The following F3 variants were observed in gnomAD, a reference collection of about 807,000 sequenced individuals.
F3 encodes the protein tissue factor.
F3 carries 18 observed loss-of-function variants against 33.5 expected under a neutral mutation model. The observed-to-expected ratio is 0.54, with a 90% confidence interval of 0.37 to 0.80. The LOEUF (loss-of-function observed/expected upper bound fraction) is 0.80. Among genes scored for constraint, F3 ranks in the 30% least tolerant of loss-of-function variants. F3 has a pLI of 0.00. For synonymous variants in F3, 147 were observed against 140.7 expected (o/e 1.05, Z -0.32); for missense variants, 353 against 362.1 (o/e 0.97, Z 0.20).
intron 1 of F3, 135 bp downstream of exon 1, chr1:94,541,402 C>T (rs888213030): frequency 3.0e-6 from 2 of 665,806 alleles, no homozygotes; most frequent in Non-Finnish European, 4.5e-6. Flanking sequence ...GCTGGGTGAG[C>T]GCAGCCGAGT....
intron 2 of F3, 72 bp from the exon 3 acceptor site, chr1:94,536,236 C>T (rs1651602380): frequency 2.9e-6 from 4 of 1,366,364 alleles, no homozygotes. Context: ...AGACTGCTTC[C>T]TGGCTGTGGT....
intron 4 of F3, 104 bp from the exon 5 acceptor site, chr1:94,532,584 C>CAAG (rs771586805): frequency 9.7e-6 from 12 of 1,242,664 alleles, no homozygotes; most frequent in Non-Finnish European, 1.4e-5. Context: ...GCAAAGCCTA[C>CAAG]AAGAACACAG....
intron 5 of F3, 34 bp from the exon 6 acceptor site, chr1:94,530,630 A>G: frequency 6.2e-7 from 1 of 1,613,068 alleles, no homozygotes; most frequent in Non-Finnish European, 8.5e-7. Flanking sequence ...CAACTTGGAG[A>G]GCTCAAATCC....
chr1:94,537,974 C>T (rs1651662563), intron 2 of F3, among the ~76,000 whole-genome samples: 2 of 152,118 alleles, frequency 1.3e-5, no homozygotes, highest in South Asian at 4.1e-4. Flanking sequence ...TATTTGGTTC[C>T]TCCCAGCTCA....
rs903235950 is a variant in F3 at position 94,533,229 on chromosome 1, A to G, written c.452T>C (p.Val151Ala). The stretch of plus-strand genomic sequence containing the variant: ...TACGGTCACATTCACTTTTGTTCCC[A>G]CCTGTTCAAAACTCTGAATTGTTGG... Reference protein sequence around the residue: ...GQPTIQSFEQVGTKVNVTVED... With the variant: ...GQPTIQSFEQAGTKVNVTVED... Residue 151 changes from valine to alanine, a missense_variant, in exon 4 of 6, where the codon GTG becomes GCG. Transcript: ENST00000334047. 15 of 1,613,422 alleles carry G rather than the reference A, an allele frequency of 9.3e-6. No individual in the cohort carries two copies. Among genetic ancestry groups the G allele is most frequent in the Non-Finnish European group, 1.2e-5 (14 of 1,179,902 alleles).
intron 2 of F3, among the ~76,000 whole-genome samples, chr1:94,539,742 C>T (rs777835972): frequency 1.1e-4 from 16 of 152,180 alleles, no homozygotes; most frequent in Admixed American, 3.9e-4. Context: ...CTCAGTGAGT[C>T]ACGCATTTGG....
chr1:94,535,148 T>C (rs1052281473), intron 3 of F3, among the ~76,000 whole-genome samples: 2 of 152,140 alleles, frequency 1.3e-5, no homozygotes, highest in Non-Finnish European at 2.9e-5. Context: ...CTTGAGAAAC[T>C]GTTCTCTCTC....
chr1:94,533,988 T>G (rs1228003697), intron 3 of F3, among the ~76,000 whole-genome samples: 4 of 152,104 alleles, frequency 2.6e-5, no homozygotes, highest in African/African-American at 9.7e-5. Flanking sequence ...TGCCTCAGCC[T>G]CCCAAGTAGC....
chr1:94,541,447 G>A (rs1253894392), intron 1 of F3, 90 bp downstream of exon 1: 1 of 1,054,426 alleles, frequency 9.5e-7, no homozygotes, highest in African/African-American at 1.7e-5. Flanking sequence ...GGCGCCCCGG[G>A]GAACCAGGGC....
At chr1:94,538,445 CG>C (rs1651675194) in intron 2 of F3, among the ~76,000 whole-genome samples, 1 of 152,130 alleles carries the variant, frequency 6.6e-6, no homozygotes, top group South Asian at 2.1e-4. Context: ...TGAGAGCAGT[CG>C]GGAGGGAAGA....
At position 94,540,322 on chromosome 1, in the gene F3, A is replaced by C. The variant is rs1250153227; in HGVS notation, c.147T>G (p.Thr49=). The C allele has an allele frequency of 6.2e-7, 1 of 1,613,996 alleles. No homozygotes were observed. Among genetic ancestry groups the C allele is most frequent in the African/African-American group, 1.3e-5 (1 of 74,918 alleles). Residue 49 remains threonine, a synonymous_variant, in exon 2 of 6, where the codon ACT becomes ACG. Coordinates refer to ENST00000334047, the MANE Select transcript of F3 (RefSeq NM_001993.5). ...VAAYNLTWKS[T]NFKTILEWEP... ...CCCACTCCAAAATTGTCTTGAAATT[A>C]GTTGATTTCCAAGTTAAATTATATG...
chr1:94,541,610 G>C lies in F3; in HGVS notation c.27C>G (p.Val9=). The C allele has an allele frequency of 6.9e-7, 1 of 1,459,176 alleles. No individual in the cohort carries two copies. The highest frequency in any genetic ancestry group is 9.0e-7 in the Non-Finnish European group (1 of 1,105,280). 90.4% of individuals were successfully genotyped at this position (1,459,176 alleles called of 1,614,324 possible). A position where few individuals can be genotyped will look rare whatever the true frequency, so the allele number is the denominator to read the frequency against. The change falls in exon 1 of 6, where the codon GTC becomes GTG. Residue 9 remains valine (V), a synonymous_variant. Coordinates refer to ENST00000334047, the MANE Select transcript of F3 (RefSeq NM_001993.5). ...GAGCGACGGCGGTCTCGGGGCGCGG[G>C]ACCCGGGGCCAGGCAGGGGTCTCCA... is the stretch of plus-strand genomic sequence containing the variant. The part of the protein sequence containing the change: METPAWPR[V]PRPETAVART...
chr1:94,540,797 G>GA (rs1214210415), intron 1 of F3: 1 of 155,452 alleles, frequency 6.4e-6, no homozygotes, highest in Non-Finnish European at 1.4e-5. Context: ...GCATACAAAT[G>GA]AAAAAAGCCA....
In F3 at chr1:94,536,045, G is replaced by A. The variant is rs777936997; in HGVS notation, c.332C>T (p.Pro111Leu). The change falls in exon 3 of 6, where the codon CCG (proline) becomes CTG (leucine). Residue 111 changes from proline (P) to leucine (L), a missense_variant. Pro to Leu is a moderately conservative substitution (Grantham distance 98, BLOSUM62 -3). Coordinates refer to ENST00000334047, the MANE Select transcript of F3 (RefSeq NM_001993.5). ...QTYLARVFSY[P>L]AGNVESTGSA... ...ACCGGTGCTCTCCACATTCCCTGCC[G>A]GGTAGGAGAAGACCCGTGCCAAGTA... The A allele has an allele frequency of 2.7e-5, 44 of 1,613,982 alleles. No homozygotes were observed. In the African/African-American group the frequency reaches 3.6e-4, roughly 13 times the overall value.
chr1:94,541,355 C>T (rs1187974413), intron 1 of F3, among the ~76,000 whole-genome samples, 182 bp downstream of exon 1: 4 of 152,202 alleles, frequency 2.6e-5, no homozygotes, highest in African/African-American at 9.6e-5. Context: ...CCTGCAACTC[C>T]CGCCGGCGCC....
intron 3 of F3, among the ~76,000 whole-genome samples, chr1:94,533,613 C>T (rs1181562855): frequency 1.3e-5 from 2 of 152,152 alleles, no homozygotes; most frequent in Non-Finnish European, 2.9e-5. Flanking sequence ...CTCTGTGGAT[C>T]CACTTGTATG....
intron 5 of F3, among the ~76,000 whole-genome samples, chr1:94,531,303 CTTTTT>C (rs141704974): frequency 5.7e-5 from 7 of 122,240 alleles, no homozygotes; most frequent in Admixed American, 8.2e-5. Flanking sequence ...TTCGTTGTTT[CTTTTT>C]TTTTTTTTTT....
At chr1:94,539,545 A>G (rs1301751339) in intron 2 of F3, among the ~76,000 whole-genome samples, 2 of 152,212 alleles carry the variant, frequency 1.3e-5, no homozygotes, top group African/African-American at 4.8e-5. Flanking sequence ...AGCCTCCTAG[A>G]ACATTTCAAA....
At chr1:94,538,001 C>T in intron 2 of F3, among the ~76,000 whole-genome samples, 1 of 152,150 alleles carries the variant, frequency 6.6e-6, no homozygotes, top group Non-Finnish European at 1.5e-5. Context: ...GGACCACATA[C>T]TCTATAGCAA....
Sources: gnomAD v4.1 joint callset for allele counts (sites outside exome capture counted in the v4.1 genomes callset) on GRCh38, gnomAD v4.1.1 for gene constraint, MANE v1.5 for transcripts, NCBI Gene and HGNC (gene_info 2026-07-23, HGNC 2026-07-21) for gene names.